Variants in ASS1 observed in about 807,000 individuals in gnomAD.
ASS1 encodes argininosuccinate synthase.
In ASS1, 58 loss-of-function variants were observed where a neutral mutation model predicts 60.5. The observed-to-expected ratio is 0.96, with a 90% CI of 0.78 to 1.19. The LOEUF (loss-of-function observed/expected upper bound fraction) is 1.19. ASS1 is among the 50% of genes most tolerant of loss of function. ASS1 has a pLI of 0.00. For synonymous variants in ASS1, 200 were observed against 206.9 expected (o/e 0.97, Z 0.29); for missense variants, 454 against 547.3 (o/e 0.83, Z 1.70).
chr9:130,471,411 G>T (rs984256519), intron 7 of ASS1, 74 bp from the exon 8 acceptor site: 15 of 1,551,448 alleles, frequency 9.7e-6, no homozygotes, highest in Non-Finnish European at 1.2e-5. Flanking sequence ...GGCACAATGG[G>T]GTGTGTGTGT....
At position 130,471,504 on chromosome 9, in the gene ASS1, G is replaced by A. The variant is rs1845865147; in HGVS notation, c.586G>A (p.Glu196Lys). ...MHISYEAGIL[E>K]NPKNQAPPGL... ...CCGCAGCTACGAGGCTGGAATCCTG[G>A]AGAACCCCAAGGTAATCCCCCAAAC... Residue 196 changes from glutamate to lysine, a missense_variant, in exon 8 of 15, where the codon GAG (glutamate) becomes AAG (lysine). Glu to Lys is a moderately conservative substitution (Grantham distance 56, BLOSUM62 1). Coordinates refer to ENST00000352480, the MANE Select transcript of ASS1 (RefSeq NM_054012.4). 1 of 1,614,106 alleles carries A rather than the reference G, an allele frequency of 6.2e-7. No homozygotes were observed. The highest frequency in any genetic ancestry group is 8.5e-7 in the Non-Finnish European group (1 of 1,179,980).
In ASS1 at chr9:130,470,827, C is replaced by G. The variant is rs1845848984; in HGVS notation, c.496-7C>G. 6.2e-7 allele frequency: 1 copy of G among 1,614,028 alleles called. No homozygotes were observed. The highest frequency in any genetic ancestry group is 1.3e-5 in the African/African-American group (1 of 75,032). On this transcript the variant is annotated splice_region_variant and splice_polypyrimidine_tract_variant and intron_variant, in intron 6 of 14. Transcript: ENST00000352480. This position sits in a 1 kb window ranked among gnomAD's most constrained non-coding sequence, Gnocchi z 4.3. ...TTACCTCCACCTGTGCTGTCTCTTTCCTGCAGCAACACGGGATTCCCATCC... is the reference window on the plus strand; with the variant it reads ...TTACCTCCACCTGTGCTGTCTCTTTGCTGCAGCAACACGGGATTCCCATCC...
chr9:130,448,219 A>T (rs1224528697), intron 1 of ASS1, among the ~76,000 whole-genome samples: 5 of 152,012 alleles, frequency 3.3e-5, no homozygotes, highest in African/African-American at 1.2e-4. Context: ...GGGCAGGAGC[A>T]ACGCTGCTGT....
chr9:130,445,438 T>C (rs1845173890), intron 1 of ASS1, among the ~76,000 whole-genome samples: 1 of 152,204 alleles, frequency 6.6e-6, no homozygotes, highest in South Asian at 2.1e-4. Flanking sequence ...TCTCCACCTC[T>C]ATTTCTCTGC....
intron 4 of ASS1, among the ~76,000 whole-genome samples, chr9:130,458,882 G>A (rs1041672871): frequency 5.3e-5 from 8 of 152,232 alleles, no homozygotes; most frequent in African/African-American, 1.7e-4. Flanking sequence ...GTCCAAGGTC[G>A]CATTGGCCAA....
chr9:130,449,342 GA>G (rs55853169), intron 1 of ASS1, among the ~76,000 whole-genome samples: 25,815 of 91,296 alleles, frequency 0.28, 2,879 homozygotes, highest in East Asian at 0.51. Flanking sequence ...GACCCTGTCT[GA>G]AAAAAAAAAA....
At position 130,488,922 on chromosome 9, in the gene ASS1, T is replaced by C. The variant is rs1272948019; in HGVS notation, c.839-411T>C. On this transcript the variant is annotated intron_variant, in intron 11 of 14. Transcript: ENST00000352480. The surrounding 1 kb of genome is among the most constrained non-coding windows in gnomAD (Gnocchi z 5.2). ...ACATGTGTACATGTATGTGCACAGC[T>C]GTCCCCCTCCCCTGGCTCCCTGGTG... 6.6e-6 allele frequency among the ~76,000 whole-genome samples: 1 copy of C among 152,204 alleles called. No homozygotes were observed. The highest frequency in any genetic ancestry group is 2.4e-5 in the African/African-American group (1 of 41,452).
rs567594559 is a variant in ASS1 at position 130,458,394 on chromosome 9, C to A, written c.175-7C>A. The A allele has an allele frequency of 1.9e-6, 3 of 1,611,894 alleles. No individual in the cohort carries two copies. Among genetic ancestry groups the A allele is most frequent in the Admixed American group, 3.3e-5 (2 of 59,998 alleles). Reference sequence around the variant, plus strand: ...TACTTCTTCCTTCTGGGCTCCTCTTCCCGTAGGTGTTCATTGAGGATGTCA... The same window carrying A: ...TACTTCTTCCTTCTGGGCTCCTCTTACCGTAGGTGTTCATTGAGGATGTCA... On this transcript the variant is annotated splice_polypyrimidine_tract_variant and splice_region_variant and intron_variant, in intron 3 of 14. Transcript: ENST00000352480.
At position 130,470,214 on chromosome 9, in the gene ASS1, A is replaced by G. The variant is rs766146442; in HGVS notation, c.496-620A>G. Reference sequence around the variant, plus strand: ...GGGCAGAGGTGGGTGTCCTCCTGTAACAACAGACTGGGCCATTTAGGAAGC... The same window carrying G: ...GGGCAGAGGTGGGTGTCCTCCTGTAGCAACAGACTGGGCCATTTAGGAAGC... On this transcript the variant is annotated intron_variant, in intron 6 of 14. Coordinates refer to ENST00000352480, the MANE Select transcript of ASS1 (RefSeq NM_054012.4). This position sits in a 1 kb window ranked among gnomAD's most constrained non-coding sequence, Gnocchi z 4.3. Among the ~76,000 whole-genome samples, 5 of 152,144 alleles carry G rather than the reference A, an allele frequency of 3.3e-5. No homozygotes were observed. Among genetic ancestry groups the G allele is most frequent in the African/African-American group, 4.8e-5 (2 of 41,410 alleles).
chr9:130,480,351 G>A (rs776329071), intron 10 of ASS1, 34 bp from the exon 11 acceptor site: 1 of 1,613,968 alleles, frequency 6.2e-7, no homozygotes, highest in South Asian at 1.1e-5. Context: ...CCTTGCGGTA[G>A]CGCCCGAACC....
At chr9:130,454,243 G>T in intron 2 of ASS1, 62 bp from the exon 3 acceptor site, 1 of 1,535,796 alleles carries the variant, frequency 6.5e-7, no homozygotes, top group Non-Finnish European at 8.9e-7. Context: ...GCTGCATGCG[G>T]ATGGTGTGAA....
intron 1 of ASS1, among the ~76,000 whole-genome samples, chr9:130,446,578 G>A (rs1320456928): frequency 6.6e-6 from 1 of 152,238 alleles, no homozygotes; most frequent in African/African-American, 2.4e-5. Context: ...GGGCAGACAC[G>A]TCGTGAGAGG....
At chr9:130,449,247 A>G (rs1202579082) in intron 1 of ASS1, among the ~76,000 whole-genome samples, 1 of 144,906 alleles carries the variant, frequency 6.9e-6, no homozygotes, top group African/African-American at 2.5e-5. Flanking sequence ...CTGAGCTGGG[A>G]TGGGAGGATC....
intron 8 of ASS1, among the ~76,000 whole-genome samples, chr9:130,472,416 G>T (rs1845889530): frequency 6.6e-6 from 1 of 152,172 alleles, no homozygotes. Context: ...ATATCACATG[G>T]CAGCCACCAT....
At chr9:130,452,118 A>G (rs1845340661) in intron 1 of ASS1, 106 bp from the exon 2 acceptor site, 1 of 948,890 alleles carries the variant, frequency 1.1e-6, no homozygotes, top group Non-Finnish European at 1.7e-6. Context: ...CTTGCCCAGG[A>G]GACAAGGCTG....
chr9:130,499,664 C>A (rs937377515), intron 14 of ASS1, 94 bp downstream of exon 14: 2 of 1,304,094 alleles, frequency 1.5e-6, no homozygotes, highest in Non-Finnish European at 2.2e-6. Flanking sequence ...GGCTTTGATG[C>A]GACCTTGACT....
intron 13 of ASS1, among the ~76,000 whole-genome samples, chr9:130,497,893 G>A (rs1846643334): frequency 6.6e-6 from 1 of 152,202 alleles, no homozygotes; most frequent in Non-Finnish European, 1.5e-5. Context: ...CTCTTCCTAA[G>A]CACTGACTGC....
intron 11 of ASS1, among the ~76,000 whole-genome samples, chr9:130,485,007 C>T (rs769954733): frequency 2.2e-4 from 33 of 152,232 alleles, no homozygotes; most frequent in African/African-American, 6.0e-4. Flanking sequence ...GCCAGGAAGC[C>T]GGTGCTGGGG....
intron 11 of ASS1, among the ~76,000 whole-genome samples, chr9:130,485,402 C>G (rs948274300): frequency 6.6e-6 from 1 of 152,116 alleles, no homozygotes; most frequent in Admixed American, 6.6e-5. Context: ...CAAAGTCACA[C>G]AGCAAAGCCA....
Sources: allele counts gnomAD v4.1 joint callset (sites outside exome capture counted in the v4.1 genomes callset), GRCh38; gene constraint gnomAD v4.1.1; non-coding constraint Gnocchi (gnomAD v3.1); transcripts MANE v1.5; gene names NCBI Gene and HGNC (gene_info 2026-07-23, HGNC 2026-07-21).